The following COL5A2 variants were observed in gnomAD, a reference collection of about 807,000 sequenced individuals.
COL5A2 encodes collagen type V alpha 2 chain.
A neutral mutation model predicts 208.2 loss-of-function variants in COL5A2; 23 were observed. The ratio of observed to expected loss-of-function variants is 0.11; its 90% CI spans 0.08 to 0.16. COL5A2 has a LOEUF of 0.16. Among genes scored for constraint, COL5A2 ranks in the 10% least tolerant of loss-of-function variants. The probability of loss-of-function intolerance (pLI) is 1.00; values close to 1 mark genes in which losing one functional copy is unlikely to be tolerated. For missense variants in COL5A2, 1,590 were observed against 1,956.4 expected (o/e 0.81, Z 3.53); for synonymous variants, 625 against 628.5 (o/e 0.99, Z 0.08).
intron 6 of COL5A2, among the ~76,000 whole-genome samples, chr2:189,093,647 A>C (rs1189599144): frequency 6.6e-6 from 1 of 152,216 alleles, no homozygotes; most frequent in Non-Finnish European, 1.5e-5. Context: ...TAGAAGTAGA[A>C]TACTTAGCCT....
chr2:189,367,653 C>T, the COL5A2 span, among the ~76,000 whole-genome samples: 2 of 152,176 alleles, frequency 1.3e-5, no homozygotes, highest in Non-Finnish European at 2.9e-5. Context: ...TCTTATTCAA[C>T]ATAAATAACA....
intron 1 of COL5A2, among the ~76,000 whole-genome samples, chr2:189,156,189 T>G (rs1045835895): frequency 1.3e-5 from 2 of 152,164 alleles, no homozygotes; most frequent in East Asian, 3.8e-4. Flanking sequence ...TTACAGAGAT[T>G]AGAGCATGGA....
In COL5A2 at chr2:189,033,458, C is replaced by A. The variant is rs1167169101; in HGVS notation, c.*612G>T. ...ACTGAATATATACTATTTAAAAATTCTATTTAAGACAGTGAGAAACGTTTT... is the reference window on the plus strand; with the variant it reads ...ACTGAATATATACTATTTAAAAATTATATTTAAGACAGTGAGAAACGTTTT... On this transcript the variant is annotated 3_prime_UTR_variant, in exon 54 of 54. Coordinates refer to ENST00000374866, the MANE Select transcript of COL5A2 (RefSeq NM_000393.5). 2 of 151,014 alleles carry A rather than the reference C, an allele frequency of 1.3e-5. No homozygotes were observed. The highest frequency in any genetic ancestry group is 3.2e-3 in the Middle Eastern group (1 of 312). 9.4% of individuals were successfully genotyped at this position (151,014 alleles called of 1,614,324 possible). A position where few individuals can be genotyped will look rare whatever the true frequency, so the allele number is the denominator to read the frequency against.
chr2:189,078,425 C>A, intron 16 of COL5A2, 91 bp downstream of exon 16: 4 of 1,014,228 alleles, frequency 3.9e-6, no homozygotes, highest in Non-Finnish European at 4.7e-6. Context: ...AGTACTATTA[C>A]TTTCATTTAA....
chr2:189,149,513 C>T (rs1688104722), intron 1 of COL5A2, among the ~76,000 whole-genome samples: 1 of 152,070 alleles, frequency 6.6e-6, no homozygotes, highest in Non-Finnish European at 1.5e-5. Context: ...ACATGGAATG[C>T]AATTTCATTT....
the COL5A2 span, among the ~76,000 whole-genome samples, chr2:189,357,298 G>A: frequency 2.0e-4 from 30 of 152,140 alleles, no homozygotes; most frequent in Non-Finnish European, 4.3e-4. Context: ...AGAGCCGTCA[G>A]GCAGGGACGT....
chr2:189,282,380 A>G, the COL5A2 span, among the ~76,000 whole-genome samples: 1 of 152,154 alleles, frequency 6.6e-6, no homozygotes, highest in African/African-American at 2.4e-5. Flanking sequence ...CTGGAATGTT[A>G]GTGCAAAGGT....
At chr2:189,305,381 G>C in the COL5A2 span, among the ~76,000 whole-genome samples, 1 of 152,180 alleles carries the variant, frequency 6.6e-6, no homozygotes. Context: ...TATTTCATGA[G>C]GGCTTCTCCT....
At chr2:189,363,891 C>G in the COL5A2 span, among the ~76,000 whole-genome samples, 9 of 152,178 alleles carry the variant, frequency 5.9e-5, no homozygotes, top group Non-Finnish European at 1.3e-4. Flanking sequence ...CCTGCTATAA[C>G]CCACCGTGTT....
chr2:189,113,430 C>A (rs1687321957), intron 1 of COL5A2, among the ~76,000 whole-genome samples: 1 of 151,950 alleles, frequency 6.6e-6, no homozygotes, highest in East Asian at 1.9e-4. Flanking sequence ...GAGACCTGGA[C>A]TCACAAAAAG....
At position 189,112,181 on chromosome 2, in the gene COL5A2, T is replaced by C. The variant is rs533899619; in HGVS notation, c.98-1732A>G. On this transcript the variant is annotated intron_variant, in intron 1 of 53. Transcript: ENST00000374866. ...CTCCTCATTGTATAGCTTGATGCTA[T>C]ACCTTTCATAGAACAGCCATTTAAT... Among the ~76,000 whole-genome samples, 5 of 152,314 alleles carry C rather than the reference T, an allele frequency of 3.3e-5. No individual in the cohort carries two copies. In the East Asian group the frequency reaches 5.8e-4, roughly 18 times the overall value.
At chr2:189,206,544 G>A (rs572402512) in intron 1 of COL5A2, among the ~76,000 whole-genome samples, 1 of 152,280 alleles carries the variant, frequency 6.6e-6, no homozygotes, top group South Asian at 2.1e-4. Flanking sequence ...ATGGATAGAA[G>A]TTCTACAAGC....
In COL5A2 at chr2:189,068,844, G is replaced by C; in HGVS notation, c.1199C>G (p.Pro400Arg). The change falls in exon 19 of 54, where the codon CCT becomes CGT. Residue 400 changes from proline to arginine, a missense_variant. By Grantham distance (103) the Pro-to-Arg change is moderately radical. Coordinates refer to ENST00000374866, the MANE Select transcript of COL5A2 (RefSeq NM_000393.5). Reference protein sequence around the residue: ...GPTGARGPEGPQGQRGETGPP... With the variant: ...GPTGARGPEGRQGQRGETGPP... Reference sequence around the variant, plus strand: ...CCCAGTTTCACCTCTCTGCCCCTGAGGACCTTCAGGGCCTCGCGCCCCTGT... The same window carrying C: ...CCCAGTTTCACCTCTCTGCCCCTGACGACCTTCAGGGCCTCGCGCCCCTGT... 6.2e-7 allele frequency: 1 copy of C among 1,613,332 alleles called. No homozygotes were observed. Among genetic ancestry groups the C allele is most frequent in the Non-Finnish European group, 8.5e-7 (1 of 1,179,922 alleles).
chr2:189,062,764 T>G, intron 29 of COL5A2, 101 bp downstream of exon 29: 1 of 1,365,002 alleles, frequency 7.3e-7, no homozygotes, highest in Non-Finnish European at 1.0e-6. Flanking sequence ...TCTTATTCAC[T>G]TTCCCTGAAA....
chr2:189,197,563 C>T (rs1689021132), intron 1 of COL5A2, among the ~76,000 whole-genome samples: 1 of 151,986 alleles, frequency 6.6e-6, no homozygotes, highest in East Asian at 1.9e-4. Context: ...AACTCGTATG[C>T]TTTGTTGTGG....
intron 1 of COL5A2, among the ~76,000 whole-genome samples, chr2:189,214,747 C>G (rs931151196): frequency 6.6e-6 from 1 of 152,130 alleles, no homozygotes; most frequent in African/African-American, 2.4e-5. Flanking sequence ...ACTAACCAAC[C>G]AATGTGACTA....
chr2:189,077,931 C>A (rs1686446254), intron 16 of COL5A2, among the ~76,000 whole-genome samples: 1 of 152,184 alleles, frequency 6.6e-6, no homozygotes, highest in South Asian at 2.1e-4. Context: ...GTCAGCATAG[C>A]CTGATCTTCA....
intron 1 of COL5A2, among the ~76,000 whole-genome samples, chr2:189,163,138 C>T (rs751967946): frequency 2.6e-5 from 4 of 152,164 alleles, no homozygotes; most frequent in African/African-American, 7.2e-5. Flanking sequence ...CCTTCTCTCT[C>T]GCCCCATTAT....
chr2:189,058,494 G>T lies in COL5A2; in HGVS notation c.2164C>A (p.Pro722Thr). The change falls in exon 33 of 54, where the codon CCT (proline) becomes ACT (threonine). Residue 722 changes from proline (P) to threonine (T), a missense_variant. By Grantham distance (38) the Pro-to-Thr change is conservative. Transcript: ENST00000374866. ...TCACCAGGGAGTCCAGTTATCCCAG[G>T]TTCTCCTCTTTCCCCAGGATTTCCT... Reference protein sequence around the residue: ...ERGNPGERGEPGITGLPGEKG... With the variant: ...ERGNPGERGETGITGLPGEKG... 1 of 1,613,904 alleles carries T rather than the reference G, an allele frequency of 6.2e-7. No individual in the cohort carries two copies. Among genetic ancestry groups the T allele is most frequent in the Non-Finnish European group, 8.5e-7 (1 of 1,179,928 alleles).
Sources: gnomAD v4.1 joint callset for allele counts (sites outside exome capture counted in the v4.1 genomes callset) on GRCh38, gnomAD v4.1.1 for gene constraint, MANE v1.5 for transcripts, NCBI Gene and HGNC (gene_info 2026-07-23, HGNC 2026-07-21) for gene names.